Variants in PPFIBP1 observed in about 807,000 individuals in gnomAD.
The protein encoded by PPFIBP1 is liprin-beta-1.
In PPFIBP1, 112 loss-of-function variants were observed where a neutral mutation model predicts 137.8. That is an observed-to-expected ratio of 0.81 (90% CI 0.70 to 0.95). The LOEUF is 0.95. Among genes scored for constraint, PPFIBP1 ranks in the 40% least tolerant of loss-of-function variants. The pLI is 0.00. For synonymous variants in PPFIBP1, 378 were observed against 417.3 expected, an observed-to-expected ratio of 0.91 and a Z score of 1.15; for missense variants, 1,083 against 1,196.6, an observed-to-expected ratio of 0.91 and a Z score of 1.40.
In PPFIBP1 at chr12:27,676,470, C is replaced by T; in HGVS notation, c.1453C>T (p.Pro485Ser). 6.3e-7 allele frequency: 1 copy of T among 1,581,092 alleles called. No homozygotes were observed. Among genetic ancestry groups the T allele is most frequent in the Non-Finnish European group, 8.6e-7 (1 of 1,163,174 alleles). ...AESRPFGTLP[P>S]RPPGQDTSMD... ...AAGCAGGCCATTTGGGACCCTTCCT[C>T]CCAGGCCCCCAGGGCAGGACACCTC... The change falls in exon 18 of 30, where the codon CCC becomes TCC. Residue 485 changes from proline (P) to serine (S), a missense_variant. By Grantham distance (74) the Pro-to-Ser change is moderately conservative. Transcript: ENST00000228425.
At chr12:27,690,059 T>C (rs1466473114) in intron 27 of PPFIBP1, among the ~76,000 whole-genome samples, 1 of 152,092 alleles carries the variant, frequency 6.6e-6, no homozygotes, top group African/African-American at 2.4e-5. Flanking sequence ...TTTCCAGACC[T>C]CTCTTTTCTC....
intron 2 of PPFIBP1, among the ~76,000 whole-genome samples, chr12:27,605,225 A>T (rs1270286992): frequency 6.6e-6 from 1 of 152,212 alleles, no homozygotes; most frequent in Non-Finnish European, 1.5e-5. Context: ...GTAATGTGAA[A>T]ACAACTTTAA....
chr12:27,570,179 A>G (rs116981410), intron 1 of PPFIBP1, among the ~76,000 whole-genome samples: 6,358 of 152,202 alleles, frequency 0.042, 183 homozygotes, highest in Middle Eastern at 0.068. Context: ...TTTCTTTCCC[A>G]ATAAGACTAG....
chr12:27,656,688 G>C lies in PPFIBP1; in HGVS notation c.769G>C (p.Val257Leu). 1 of 1,612,736 alleles carries C rather than the reference G, an allele frequency of 6.2e-7. No individual in the cohort carries two copies. The highest frequency in any genetic ancestry group is 8.5e-7 in the Non-Finnish European group (1 of 1,178,918). Residue 257 changes from valine (V) to leucine (L), a missense_variant, in exon 9 of 30, where the codon GTT (valine) becomes CTT (leucine). Physicochemically the swap from Val to Leu is conservative, Grantham distance 32. Coordinates refer to ENST00000228425, the MANE Select transcript of PPFIBP1 (RefSeq NM_003622.4). ...SEVKRLQEKL[V>L]CKMKGEGVEI... ...AGTAAAAAGGCTACAAGAAAAATTG[G>C]TTTGCAAGATGAAAGGAGAAGGGGT...
intron 2 of PPFIBP1, among the ~76,000 whole-genome samples, chr12:27,621,773 T>A (rs574159210): frequency 2.6e-4 from 39 of 152,246 alleles, no homozygotes; most frequent in Non-Finnish European, 4.7e-4. Context: ...ACTGTTTCCT[T>A]GCCCACAGTT....
chr12:27,604,686 A>G (rs1482599772), intron 2 of PPFIBP1, among the ~76,000 whole-genome samples: 1 of 152,246 alleles, frequency 6.6e-6, no homozygotes, highest in African/African-American at 2.4e-5. Flanking sequence ...GTGTGCACAC[A>G]ATGGTCTCCA....
intron 1 of PPFIBP1, among the ~76,000 whole-genome samples, chr12:27,550,952 CTTTG>C (rs1180583621): frequency 1.4e-5 from 2 of 146,642 alleles, no homozygotes; most frequent in African/African-American, 5.1e-5. Context: ...CTTTCATGTG[CTTTG>C]TTTGGGGGTG....
At chr12:27,548,083 T>A (rs1002152700) in intron 1 of PPFIBP1, 1 of 152,150 alleles carries the variant, frequency 6.6e-6, no homozygotes, top group Admixed American at 6.5e-5. Flanking sequence ...AATAAACAGA[T>A]CTCCAGCCTC....
chr12:27,614,547 G>A (rs541059064), intron 2 of PPFIBP1, among the ~76,000 whole-genome samples: 2 of 152,282 alleles, frequency 1.3e-5, no homozygotes, highest in South Asian at 4.1e-4. Context: ...GTTCTGCTTA[G>A]CTTTTAGAAC....
intron 2 of PPFIBP1, among the ~76,000 whole-genome samples, chr12:27,621,302 G>A (rs1214114309): frequency 6.6e-6 from 1 of 152,232 alleles, no homozygotes; most frequent in Non-Finnish European, 1.5e-5. Context: ...TTTGACCATA[G>A]GTCATAGTTT....
intron 1 of PPFIBP1, among the ~76,000 whole-genome samples, chr12:27,538,852 T>C (rs1276235344): frequency 6.6e-6 from 1 of 152,230 alleles, no homozygotes; most frequent in Non-Finnish European, 1.5e-5. Flanking sequence ...GGGGCAGTAA[T>C]ACTGTATACT....
chr12:27,649,849 G>A (rs559718900), intron 6 of PPFIBP1, among the ~76,000 whole-genome samples, 161 bp from the exon 7 acceptor site: 1 of 152,322 alleles, frequency 6.6e-6, no homozygotes, highest in Admixed American at 6.5e-5. Context: ...ACTGTGCCCA[G>A]CCTCAAGTGA....
intron 11 of PPFIBP1, among the ~76,000 whole-genome samples, chr12:27,663,227 G>A (rs2059656824): frequency 6.6e-6 from 1 of 152,148 alleles, no homozygotes; most frequent in Non-Finnish European, 1.5e-5. Flanking sequence ...TGTTATTCAA[G>A]CCTTTGCTTG....
chr12:27,593,767 A>T (rs1011182918), intron 2 of PPFIBP1: 1 of 763,210 alleles, frequency 1.3e-6, no homozygotes, highest in Non-Finnish European at 2.1e-6. Flanking sequence ...TCCATGTCCC[A>T]GGCCAGGAAG....
Position 27,682,617 on chromosome 12 carries a change from T to C in PPFIBP1, c.2161T>C (p.Trp721Arg). 6.2e-7 allele frequency: 1 copy of C among 1,614,146 alleles called. No homozygotes were observed. Residue 721 changes from tryptophan (W) to arginine (R), a missense_variant and splice_region_variant, in exon 24 of 30, where the codon TGG (tryptophan) becomes CGG (arginine). Transcript: ENST00000228425. ...CAACACTGGCCTCTCTCTTTTAGGA[T>C]GGTTGGATGACATTGGCCTCCCTCA... is the stretch of plus-strand genomic sequence containing the variant. The part of the protein sequence containing the change: ...GKLDFNWVTR[W>R]LDDIGLPQYK...
intron 2 of PPFIBP1, among the ~76,000 whole-genome samples, chr12:27,601,929 G>T (rs1033085505): frequency 6.6e-6 from 1 of 152,262 alleles, no homozygotes; most frequent in Admixed American, 6.5e-5. Flanking sequence ...AAATTTAAAT[G>T]GAATTAAACA....
At chr12:27,674,694 C>T (rs2060393236) in intron 17 of PPFIBP1, among the ~76,000 whole-genome samples, 1 of 152,096 alleles carries the variant, frequency 6.6e-6, no homozygotes, top group African/African-American at 2.4e-5. Flanking sequence ...TTCCTTAGAC[C>T]TCCCCAAAAG....
At chr12:27,596,352 G>A (rs1290244705) in intron 2 of PPFIBP1, among the ~76,000 whole-genome samples, 1 of 152,074 alleles carries the variant, frequency 6.6e-6, no homozygotes, top group Non-Finnish European at 1.5e-5. Context: ...GAAGAAATAG[G>A]CAGAGTTATA....
At chr12:27,556,837 ATGTAGGCC>A (rs973074840) in intron 1 of PPFIBP1, among the ~76,000 whole-genome samples, 1 of 152,098 alleles carries the variant, frequency 6.6e-6, no homozygotes, top group Admixed American at 6.5e-5. Flanking sequence ...AAATTAATAT[ATGTAGGCC>A]TGTACTTTTA....
Sources: allele counts gnomAD v4.1 joint callset (sites outside exome capture counted in the v4.1 genomes callset), GRCh38; gene constraint gnomAD v4.1.1; transcripts MANE v1.5; gene names NCBI Gene and HGNC (gene_info 2026-07-23, HGNC 2026-07-21).